ABLIM1: variants seen among roughly 807,000 people sequenced by gnomAD.
ABLIM1 encodes actin-binding LIM protein 1.
ABLIM1 carries 40 observed loss-of-function variants against 107.0 expected under a neutral mutation model. The ratio of observed to expected loss-of-function variants is 0.37; its 90% CI spans 0.29 to 0.49. ABLIM1 has a LOEUF of 0.49. Among genes scored for constraint, ABLIM1 ranks in the 20% least tolerant of loss-of-function variants. The pLI, the probability that ABLIM1 is intolerant of heterozygous loss-of-function variation, is 0.97. For synonymous variants in ABLIM1, 357 were observed against 357.3 expected (o/e 1.00, Z 0.01); for missense variants, 857 against 1,008.5 (o/e 0.85, Z 2.04).
chr10:114,719,414 A>G (rs1280750350), intron 1 of ABLIM1, among the ~76,000 whole-genome samples: 1 of 152,194 alleles, frequency 6.6e-6, no homozygotes, highest in Non-Finnish European at 1.5e-5. Flanking sequence ...TTAAACAGCC[A>G]CACAAAGGCT....
In ABLIM1 at chr10:114,668,574, G is replaced by A. The variant is rs113342433; in HGVS notation, c.64+15716C>T. On this transcript the variant is annotated intron_variant, in intron 1 of 23. Transcript: ENST00000369256. ...GCTGGACTCAAACTCTAGAGCTCAC[G>A]GAATCCTCCCACCTAAGCCGTATAG... Among the ~76,000 whole-genome samples the A allele has an allele frequency of 6.4e-3, 968 of 152,196 alleles. 9 individuals carry two copies. The highest frequency in any genetic ancestry group is 0.017 in the African/African-American group (699 of 41,520).
chr10:114,567,343 C>T (rs2070904249), intron 4 of ABLIM1, among the ~76,000 whole-genome samples: 1 of 152,234 alleles, frequency 6.6e-6, no homozygotes, highest in Admixed American at 6.5e-5. Flanking sequence ...TATTTAACCT[C>T]TATGGACATT....
chr10:114,632,496 C>T, intron 1 of ABLIM1: 4 of 983,494 alleles, frequency 4.1e-6, no homozygotes, highest in Non-Finnish European at 4.8e-6. Flanking sequence ...TAATGTAAAA[C>T]AAAAACAGAA....
intron 1 of ABLIM1, among the ~76,000 whole-genome samples, chr10:114,762,747 A>G (rs1219892154): frequency 6.6e-6 from 1 of 151,970 alleles, no homozygotes; most frequent in Non-Finnish European, 1.5e-5. Context: ...TCAATTTACA[A>G]AACTAGGGTC....
chr10:114,784,002 A>G, the ABLIM1 span, among the ~76,000 whole-genome samples: 1 of 152,074 alleles, frequency 6.6e-6, no homozygotes, highest in Non-Finnish European at 1.5e-5. Context: ...GCCAGATTGC[A>G]GTAGGTAGAG....
chr10:114,687,230 G>A (rs1304578778), upstream of ABLIM1, among the ~76,000 whole-genome samples: 5 of 152,158 alleles, frequency 3.3e-5, no homozygotes, highest in African/African-American at 1.2e-4. Context: ...AATAAGATAA[G>A]AAGCATTTCC....
chr10:114,644,483 G>A (rs899806084), intron 1 of ABLIM1, among the ~76,000 whole-genome samples: 3 of 151,268 alleles, frequency 2.0e-5, no homozygotes, highest in African/African-American at 4.9e-5. Context: ...ATTCAATATG[G>A]AATCATTGCC....
At chr10:114,527,402 G>T (rs967609325) in intron 6 of ABLIM1, among the ~76,000 whole-genome samples, 1 of 152,134 alleles carries the variant, frequency 6.6e-6, no homozygotes, top group Non-Finnish European at 1.5e-5. Context: ...GGTACATTTT[G>T]TATTGTGTGT....
intron 1 of ABLIM1, chr10:114,632,139 C>G (rs1357185826): frequency 2.0e-5 from 20 of 985,290 alleles, no homozygotes; most frequent in South Asian, 4.7e-5. Flanking sequence ...CTTCTCCGCC[C>G]GCCCGCCGAG....
chr10:114,512,926 A>G (rs1428596675), intron 6 of ABLIM1, among the ~76,000 whole-genome samples: 1 of 151,882 alleles, frequency 6.6e-6, no homozygotes, highest in Non-Finnish European at 1.5e-5. Context: ...GAGAGAAAGA[A>G]AGAGAGAAAG....
At chr10:114,693,462 G>A (rs1312000358) in intron 1 of ABLIM1, among the ~76,000 whole-genome samples, 2 of 152,148 alleles carry the variant, frequency 1.3e-5, no homozygotes, top group Admixed American at 6.5e-5. Context: ...GCTCTCATGC[G>A]TGCACTCTCT....
At chr10:114,751,922 C>G (rs1264403301) in intron 1 of ABLIM1, among the ~76,000 whole-genome samples, 1 of 152,112 alleles carries the variant, frequency 6.6e-6, no homozygotes, top group East Asian at 1.9e-4. Flanking sequence ...CATCAACTCT[C>G]CTAGTAAATC....
At chr10:114,467,857 AAATT>A (rs1265878465) in intron 11 of ABLIM1, among the ~76,000 whole-genome samples, 5 of 152,212 alleles carry the variant, frequency 3.3e-5, no homozygotes, top group African/African-American at 1.2e-4. Flanking sequence ...GGGTTCAGAA[AAATT>A]AATTATAGAT....
chr10:114,501,753 T>C (rs184507820), intron 6 of ABLIM1, among the ~76,000 whole-genome samples: 230 of 152,320 alleles, frequency 1.5e-3, no homozygotes, highest in African/African-American at 5.3e-3. Flanking sequence ...ATATCCCTTC[T>C]CCCATACACA....
chr10:114,440,032 TGGCTGTTCTATC>T, intron 20 of ABLIM1, 38 bp downstream of exon 20: 1 of 1,613,642 alleles, frequency 6.2e-7, no homozygotes, highest in East Asian at 2.2e-5. Context: ...GGTTGGAACA[TGGCTGTTCTATC>T]GGTGTGGCCA....
rs375058738 is a variant in ABLIM1, at chr10:114,759,944, A to C, written c.-213+8117T>G. ...TATAGTATATGTAAATATATACTTAAATGTGAGCCATAAATGTCGATCAGC... is the reference window on the plus strand; with the variant it reads ...TATAGTATATGTAAATATATACTTACATGTGAGCCATAAATGTCGATCAGC... On this transcript the variant is annotated intron_variant, in intron 1 of 15. Transcript: ENST00000651092. Among the ~76,000 whole-genome samples the C allele has an allele frequency of 2.0e-5, 3 of 152,200 alleles. No individual in the cohort carries two copies. In the South Asian group the frequency reaches 6.2e-4, roughly 31 times the overall value.
intron 1 of ABLIM1, among the ~76,000 whole-genome samples, chr10:114,604,907 A>C (rs1591541151): frequency 6.6e-6 from 1 of 152,238 alleles, no homozygotes; most frequent in Middle Eastern, 3.2e-3. Context: ...GTCCGAACAA[A>C]GGAGCCACTG....
intron 1 of ABLIM1, among the ~76,000 whole-genome samples, chr10:114,617,819 T>C (rs1180323220): frequency 6.6e-6 from 1 of 152,168 alleles, no homozygotes; most frequent in African/African-American, 2.4e-5. Context: ...TTATTTTTTA[T>C]CAAAGTTTAG....
chr10:114,464,137 C>G (rs1202957426), intron 12 of ABLIM1, among the ~76,000 whole-genome samples: 1 of 151,726 alleles, frequency 6.6e-6, no homozygotes, highest in African/African-American at 2.4e-5. Context: ...TGGCTGGGGT[C>G]TCAGTGACCT....
Sources: gnomAD v4.1 joint callset for allele counts (sites outside exome capture counted in the v4.1 genomes callset) on GRCh38, gnomAD v4.1.1 for gene constraint, MANE v1.5 for transcripts, NCBI Gene and HGNC (gene_info 2026-07-23, HGNC 2026-07-21) for gene names.